CAST: variants seen among roughly 807,000 people sequenced by gnomAD.
CAST encodes MIR583 host.
In CAST, 76 loss-of-function variants were observed where a neutral mutation model predicts 119.6. The ratio of observed to expected loss-of-function variants is 0.64; its 90% CI spans 0.53 to 0.77. The LOEUF is 0.77. Ranked by LOEUF, CAST falls within the 30% of genes least tolerant of loss-of-function variation. CAST has a pLI of 0.00. For missense variants in CAST, 953 were observed against 946.5 expected (o/e 1.01, Z -0.09); for synonymous variants, 319 against 331.6 (o/e 0.96, Z 0.41).
At chr5:96,578,798 CT>C (rs1746719524) in intron 1 of CAST, among the ~76,000 whole-genome samples, 1 of 151,978 alleles carries the variant, frequency 6.6e-6, no homozygotes, top group South Asian at 2.1e-4. Context: ...GACATTTTGT[CT>C]GTTTTTTTAG....
intron 1 of CAST, among the ~76,000 whole-genome samples, chr5:96,648,717 C>CGTGTGTGTGTGTGTGTGTGTGT (rs72068689): frequency 6.7e-5 from 10 of 148,810 alleles, no homozygotes; most frequent in African/African-American, 2.5e-4. Context: ...TATATATATG[C>CGTGTGTGTGTGTGTGTGTGTGT]GTGTGTGTGT....
Position 96,534,742 on chromosome 5 carries a change from A to AGAGAAAGAGAAAGAG in CAST, c.60+4862_60+4863insGAGAAAGAGAAAGAG, listed in dbSNP as rs561170657. ...GAGAGAGAGAGAGAGAGAGAGAGAG[A>AGAGAAAGAGAAAGAG]AAGAAAGAAAGAAAGAAAGAAAGAA... On this transcript the variant is annotated intron_variant, in intron 1 of 11. Coordinates refer to the CAST transcript ENST00000505143. Among the ~76,000 whole-genome samples, 25 of 30,928 alleles carry AGAGAAAGAGAAAGAG rather than the reference A, an allele frequency of 8.1e-4. 3 individuals carry two copies. The highest frequency in any genetic ancestry group is 1.2e-3 in the Non-Finnish European group (21 of 16,858). 20.3% of individuals were successfully genotyped at this position (30,928 alleles called of 152,430 possible).
the CAST span, among the ~76,000 whole-genome samples, chr5:96,022,286 ATTG>A: frequency 6.6e-6 from 1 of 152,202 alleles, no homozygotes; most frequent in Non-Finnish European, 1.5e-5. Flanking sequence ...TATATGTCAT[ATTG>A]TTAAGGATTA....
At chr5:96,564,199 A>G (rs907797734) in intron 1 of CAST, among the ~76,000 whole-genome samples, 2 of 152,228 alleles carry the variant, frequency 1.3e-5, no homozygotes, top group African/African-American at 4.8e-5. Context: ...TATAGGAAAT[A>G]GGTACAGTGA....
At chr5:95,981,707 C>T in the CAST span, among the ~76,000 whole-genome samples, 4 of 152,122 alleles carry the variant, frequency 2.6e-5, no homozygotes, top group Admixed American at 6.5e-5. Flanking sequence ...AACCCCATCT[C>T]TACTAAAAGT....
the CAST span, among the ~76,000 whole-genome samples, chr5:96,478,836 C>T: frequency 6.6e-6 from 1 of 152,208 alleles, no homozygotes; most frequent in Non-Finnish European, 1.5e-5. Context: ...CAAAGCTCAA[C>T]TCGGCCACTG....
the CAST span, among the ~76,000 whole-genome samples, chr5:96,001,067 C>T: frequency 2.0e-5 from 3 of 152,128 alleles, no homozygotes; most frequent in Admixed American, 2.0e-4. Flanking sequence ...CTTGGCACAT[C>T]ATCTAAATTC....
chr5:96,354,086 G>A, the CAST span, among the ~76,000 whole-genome samples: 72 of 151,960 alleles, frequency 4.7e-4, no homozygotes, highest in African/African-American at 1.7e-3. Context: ...GGTAAACTTG[G>A]GCAGCTTTAC....
chr5:96,224,392 T>A, the CAST span, among the ~76,000 whole-genome samples: 1 of 152,202 alleles, frequency 6.6e-6, no homozygotes, highest in African/African-American at 2.4e-5. Context: ...GGGGTCTTTT[T>A]AGATGTGATT....
chr5:96,343,430 G>T, the CAST span, among the ~76,000 whole-genome samples: 149 of 152,228 alleles, frequency 9.8e-4, no homozygotes, highest in African/African-American at 3.3e-3. Context: ...TACCTTTTTA[G>T]GGGGTTGAGA....
chr5:96,594,045 G>C (rs969568999), intron 1 of CAST, among the ~76,000 whole-genome samples: 3 of 152,210 alleles, frequency 2.0e-5, no homozygotes, highest in African/African-American at 7.2e-5. Flanking sequence ...AGTTCAGCAA[G>C]ACTCAAAATT....
rs766220153 is a variant in CAST at position 96,737,886 on chromosome 5, C to T, written c.737C>T (p.Thr246Ile). ...MDAALDDLID[T>I]LGGPEETEEE... is the part of the protein sequence containing the mutation. ...GCTGCTTTGGATGACTTAATAGATA[C>T]TTTAGGAGGACCTGAAGAAACTGAA... Residue 246 changes from threonine (T) to isoleucine (I), a missense_variant, in exon 11 of 32, where the codon ACT becomes ATT. Physicochemically the swap from Thr to Ile is moderately conservative, Grantham distance 89. Coordinates refer to ENST00000675179, the MANE Select transcript of CAST (RefSeq NM_001750.7). The T allele has an allele frequency of 6.2e-7, 1 of 1,607,524 alleles. No homozygotes were observed. The highest frequency in any genetic ancestry group is 8.5e-7 in the Non-Finnish European group (1 of 1,174,218).
the CAST span, among the ~76,000 whole-genome samples, chr5:96,011,484 T>C: frequency 6.6e-6 from 1 of 152,152 alleles, no homozygotes; most frequent in Non-Finnish European, 1.5e-5. Flanking sequence ...GAGAAAGATT[T>C]AGTTGTTTTA....
chr5:96,237,547 A>G, the CAST span, among the ~76,000 whole-genome samples: 1 of 152,218 alleles, frequency 6.6e-6, no homozygotes, highest in Non-Finnish European at 1.5e-5. Flanking sequence ...ATTTGTATAT[A>G]AAACTAAAGG....
the CAST span, among the ~76,000 whole-genome samples, chr5:96,254,795 G>A: frequency 5.9e-5 from 9 of 152,088 alleles, no homozygotes; most frequent in Non-Finnish European, 1.2e-4. Flanking sequence ...TTTTGGAATA[G>A]GTGAAGATTG....
At chr5:96,151,832 A>G in the CAST span, among the ~76,000 whole-genome samples, 37,840 of 152,172 alleles carry the variant, frequency 0.25, 5,725 homozygotes, top group Middle Eastern at 0.33. Context: ...TAATTGATCA[A>G]TCTTGGAAAA....
At chr5:96,387,269 T>C in the CAST span, among the ~76,000 whole-genome samples, 3 of 152,178 alleles carry the variant, frequency 2.0e-5, no homozygotes, top group African/African-American at 4.8e-5. Flanking sequence ...CAGCAACTGA[T>C]TGAGAAAAGC....
chr5:96,734,454 C>G (rs1399445438), intron 9 of CAST, among the ~76,000 whole-genome samples: 2 of 152,108 alleles, frequency 1.3e-5, no homozygotes, highest in African/African-American at 2.4e-5. Flanking sequence ...ATATTTTAGC[C>G]TAAATTAGAG....
the CAST span, among the ~76,000 whole-genome samples, chr5:96,034,462 T>TAC: frequency 0.029 from 2,942 of 101,750 alleles, 43 homozygotes; most frequent in African/African-American, 0.034. Flanking sequence ...GTATATATCA[T>TAC]ACACACACAC....
Sources: allele counts gnomAD v4.1 joint callset (sites outside exome capture counted in the v4.1 genomes callset), GRCh38; gene constraint gnomAD v4.1.1; transcripts MANE v1.5; gene names NCBI Gene and HGNC (gene_info 2026-07-23, HGNC 2026-07-21).